The following HSPA4 variants were observed in gnomAD, a reference collection of about 807,000 sequenced individuals.
HSPA4 encodes the protein heat shock 70 kDa protein 4.
In HSPA4, 25 loss-of-function variants were observed where a neutral mutation model predicts 106.2. The observed-to-expected ratio is 0.24, with a 90% CI of 0.17 to 0.33. HSPA4 has a LOEUF of 0.33. Among genes scored for constraint, HSPA4 ranks in the 10% least tolerant of loss-of-function variants. The pLI is 1.00. For missense variants in HSPA4, 841 were observed against 996.0 expected (o/e 0.84, Z 2.10); for synonymous variants, 332 against 333.6 (o/e 1.00, Z 0.05).
At chr5:133,061,125 CTTTT>C (rs576430090) in intron 1 of HSPA4, among the ~76,000 whole-genome samples, 1 of 135,808 alleles carries the variant, frequency 7.4e-6, no homozygotes. Context: ...GTTTTCTTTT[CTTTT>C]TTTTTTTTTT....
At chr5:133,081,468 C>A (rs1235441847) in intron 7 of HSPA4, among the ~76,000 whole-genome samples, 1 of 151,948 alleles carries the variant, frequency 6.6e-6, no homozygotes, top group Non-Finnish European at 1.5e-5. Flanking sequence ...TCAGTGAGTT[C>A]TTTTTTCTTT....
chr5:133,096,055 A>G lies in HSPA4; in HGVS notation c.1651-43A>G, dbSNP rs760355828. 2.4e-5 allele frequency: 36 copies of G among 1,528,830 alleles called. No homozygotes were observed. The Middle Eastern group carries it at 5.2e-4, about 22-fold the overall frequency. The allele number at this position is 1,528,830 out of a possible 1,614,324, so 94.7% of individuals were successfully genotyped here. The stretch of plus-strand genomic sequence containing the variant: ...CATGACTCATTTTGAAGTTTAAGGT[A>G]GTCTGTATATGTGTTTGTTCTTAAT... On this transcript the variant is annotated intron_variant, in intron 13 of 18. Coordinates refer to ENST00000304858, the MANE Select transcript of HSPA4 (RefSeq NM_002154.4).
intron 1 of HSPA4, among the ~76,000 whole-genome samples, chr5:133,055,355 G>A (rs1173169443): frequency 7.3e-6 from 1 of 137,018 alleles, no homozygotes; most frequent in Non-Finnish European, 1.5e-5. Context: ...GGTTATGGAG[G>A]AATGGATTTG....
Position 133,097,245 on chromosome 5 carries a change from G to C in HSPA4, c.1888G>C (p.Asp630His). The change falls in exon 15 of 19, where the codon GAC (aspartate) becomes CAC (histidine). Residue 630 changes from aspartate to histidine, a missense_variant. Physicochemically the swap from Asp to His is moderately conservative, Grantham distance 81. Transcript: ENST00000304858. ...GGAGGAATATGTGTATGAAATGAGA[G>C]ACAAGCTTAGTGGTGAATATGAGAA... Reference protein sequence around the residue: ...AVEEYVYEMRDKLSGEYEKFV... With the variant: ...AVEEYVYEMRHKLSGEYEKFV... 1 of 1,613,116 alleles carries C rather than the reference G, an allele frequency of 6.2e-7. No homozygotes were observed.
Position 133,065,056 on chromosome 5 carries a change from C to A in HSPA4, c.165+19C>A. ...AAGCCAGGTAAAGTTTCATTTTTTT[C>A]CTAAAATGACTTATTTCTCCTCTTC... On this transcript the variant is annotated intron_variant, in intron 2 of 18. Coordinates refer to ENST00000304858, the MANE Select transcript of HSPA4 (RefSeq NM_002154.4). 1 of 1,602,244 alleles carries A rather than the reference C, an allele frequency of 6.2e-7. No individual in the cohort carries two copies. The highest frequency in any genetic ancestry group is 8.5e-7 in the Non-Finnish European group (1 of 1,169,660).
chr5:133,089,468 A>G, intron 10 of HSPA4, 94 bp from the exon 11 acceptor site: 1 of 1,102,170 alleles, frequency 9.1e-7, no homozygotes, highest in Non-Finnish European at 1.3e-6. Context: ...AGAGAGAGAA[A>G]CTAACACTGT....
At chr5:133,061,870 G>A (rs1217494922) in intron 1 of HSPA4, among the ~76,000 whole-genome samples, 1 of 152,152 alleles carries the variant, frequency 6.6e-6, no homozygotes, top group Non-Finnish European at 1.5e-5. Flanking sequence ...CTGACCTCAG[G>A]TGATCTGCCT....
In HSPA4 at chr5:133,067,595, A is replaced by G; in HGVS notation, c.306+38A>G. On this transcript the variant is annotated intron_variant, in intron 3 of 18. Coordinates refer to ENST00000304858, the MANE Select transcript of HSPA4 (RefSeq NM_002154.4). ...GGTTAATGCCTTTTAATTAAAATGC[A>G]TTATTATATTTTATCAGTTCAATAT... 6.0e-6 allele frequency: 9 copies of G among 1,510,682 alleles called. No individual in the cohort carries two copies. The Middle Eastern group carries it at 5.2e-4, about 87-fold the overall frequency. The allele number at this position is 1,510,682 out of a possible 1,614,324, so 93.6% of individuals were successfully genotyped here.
intron 13 of HSPA4, 84 bp from the exon 14 acceptor site, chr5:133,096,014 A>G: frequency 8.0e-7 from 1 of 1,247,678 alleles, no homozygotes; most frequent in Non-Finnish European, 1.1e-6. Context: ...TAAAAAAAGC[A>G]AAAACAGTTT....
chr5:133,097,303 A>G lies in HSPA4; in HGVS notation c.1929+17A>G. ...AGTGAAGATGTAAGTCTGCCACAATATGCCTAACTACTGTGTGTCTTCTGT... is the reference window on the plus strand; with the variant it reads ...AGTGAAGATGTAAGTCTGCCACAATGTGCCTAACTACTGTGTGTCTTCTGT... On this transcript the variant is annotated intron_variant, in intron 15 of 18. Coordinates refer to ENST00000304858, the MANE Select transcript of HSPA4 (RefSeq NM_002154.4). 1.2e-6 allele frequency: 2 copies of G among 1,608,452 alleles called. No individual in the cohort carries two copies. The highest frequency in any genetic ancestry group is 1.7e-6 in the Non-Finnish European group (2 of 1,175,630).
Position 133,076,842 on chromosome 5 carries a change from C to T in HSPA4, c.852C>T (p.Leu284=), listed in dbSNP as rs1173893568. 2 of 1,609,622 alleles carry T rather than the reference C, an allele frequency of 1.2e-6. No individual in the cohort carries two copies. Among genetic ancestry groups the T allele is most frequent in the East Asian group, 2.2e-5 (1 of 44,834 alleles). Residue 284 remains leucine, a synonymous_variant, in exon 7 of 19, where the codon CTC becomes CTT. Transcript: ENST00000304858. ...KKLMSANASD[L]PLSIECFMND... Reference sequence around the variant, plus strand: ...TGATGAGTGCAAATGCTTCAGATCTCCCTTTGAGCATTGAATGTTTTATGA... The same window carrying T: ...TGATGAGTGCAAATGCTTCAGATCTTCCTTTGAGCATTGAATGTTTTATGA...
At position 133,089,545 on chromosome 5, in the gene HSPA4, C is replaced by G. The variant is rs1340662412; in HGVS notation, c.1245-17C>G. On this transcript the variant is annotated splice_polypyrimidine_tract_variant and intron_variant, in intron 10 of 18. Transcript: ENST00000304858. ...GAATATCCTGAATTTGTGTTTTTGT[C>G]TTTTTCCTCCATTCAGTGACTGTGA... 1 of 1,610,238 alleles carries G rather than the reference C, an allele frequency of 6.2e-7. No individual in the cohort carries two copies. The highest frequency in any genetic ancestry group is 1.3e-5 in the African/African-American group (1 of 74,690).
In HSPA4 at chr5:133,105,083, C is replaced by G. The variant is rs1277987097; in HGVS notation, c.*647C>G. On this transcript the variant is annotated 3_prime_UTR_variant, in exon 19 of 19. Coordinates refer to ENST00000304858, the MANE Select transcript of HSPA4 (RefSeq NM_002154.4). ...CCTAGAGTAAGTTGTTAACTGAGGGCTTTAAACCTGGAGGCTCTTCCTGAA... is the reference window on the plus strand; with the variant it reads ...CCTAGAGTAAGTTGTTAACTGAGGGGTTTAAACCTGGAGGCTCTTCCTGAA... The G allele has an allele frequency of 6.6e-6, 1 of 152,264 alleles. No individual in the cohort carries two copies. Among genetic ancestry groups the G allele is most frequent in the Non-Finnish European group, 1.5e-5 (1 of 68,074 alleles). The allele number at this position is 152,264 out of a possible 1,614,324, so 9.4% of individuals were successfully genotyped here. A position where few individuals can be genotyped will look rare whatever the true frequency, so the allele number is the denominator to read the frequency against.
chr5:133,089,723 G>GAAAA, intron 11 of HSPA4, 28 bp downstream of exon 11: 3 of 1,029,574 alleles, frequency 2.9e-6, no homozygotes, highest in Non-Finnish European at 4.0e-6. Context: ...AATTAAAAAA[G>GAAAA]AAAAAAAAAA....
chr5:133,057,112 A>G (rs770948409), intron 1 of HSPA4, among the ~76,000 whole-genome samples: 7 of 152,192 alleles, frequency 4.6e-5, no homozygotes, highest in African/African-American at 1.7e-4. Flanking sequence ...AGGAACAGCA[A>G]ATCTCAAAAG....
chr5:133,066,972 A>G (rs920530238), intron 2 of HSPA4, among the ~76,000 whole-genome samples: 2 of 152,102 alleles, frequency 1.3e-5, no homozygotes, highest in Non-Finnish European at 2.9e-5. Context: ...GGCTTCTTTC[A>G]AAGTGCTGGG....
At position 133,096,264 on chromosome 5, in the gene HSPA4, G is replaced by A. The variant is rs1765710782; in HGVS notation, c.1803+14G>A. ...ATTGAAAATGAGGTTGTTATTTAAA[G>A]TCTATTGGAACAATGAGCTAACAAA... On this transcript the variant is annotated intron_variant, in intron 14 of 18. Coordinates refer to ENST00000304858, the MANE Select transcript of HSPA4 (RefSeq NM_002154.4). 6.2e-7 allele frequency: 1 copy of A among 1,608,684 alleles called. No individual in the cohort carries two copies. Among genetic ancestry groups the A allele is most frequent in the Non-Finnish European group, 8.5e-7 (1 of 1,176,124 alleles).
chr5:133,078,176 C>T (rs1375662669), intron 7 of HSPA4, among the ~76,000 whole-genome samples: 4 of 151,878 alleles, frequency 2.6e-5, no homozygotes, highest in African/African-American at 9.7e-5. Flanking sequence ...ACTAAAAATA[C>T]AAGAAATTAG....
At chr5:133,093,785 A>G (rs1765679395) in intron 13 of HSPA4, among the ~76,000 whole-genome samples, 1 of 152,126 alleles carries the variant, frequency 6.6e-6, no homozygotes, top group Non-Finnish European at 1.5e-5. Context: ...GCCCAGCCAA[A>G]ATAACAACTT....
Sources: gnomAD v4.1 joint callset for allele counts (sites outside exome capture counted in the v4.1 genomes callset) on GRCh38, gnomAD v4.1.1 for gene constraint, MANE v1.5 for transcripts, NCBI Gene and HGNC (gene_info 2026-07-23, HGNC 2026-07-21) for gene names.